Variants in PTPN2 observed in about 807,000 individuals in gnomAD.
PTPN2 encodes the protein protein tyrosine phosphatase non-receptor type 2.
A neutral mutation model predicts 57.3 loss-of-function variants in PTPN2; 19 were observed. The ratio of observed to expected loss-of-function variants is 0.33; its 90% CI spans 0.23 to 0.49. The LOEUF is 0.49. Among genes scored for constraint, PTPN2 ranks in the 20% least tolerant of loss-of-function variants. PTPN2 has a pLI of 0.99. For synonymous variants in PTPN2, 153 were observed against 164.9 expected (o/e 0.93, Z 0.55); for missense variants, 358 against 501.1 (o/e 0.71, Z 2.73).
chr18:12,878,676 A>C (rs1015047961), intron 1 of PTPN2, among the ~76,000 whole-genome samples: 1 of 152,162 alleles, frequency 6.6e-6, no homozygotes, highest in Admixed American at 6.5e-5. Context: ...GGTTTCAAAA[A>C]AAGAAAAATG....
At chr18:12,819,164 G>A in intron 5 of PTPN2, 1 of 828,704 alleles carries the variant, frequency 1.2e-6, no homozygotes, top group Non-Finnish European at 1.8e-6. Flanking sequence ...AGTATATAAG[G>A]TATAATACTA....
At chr18:12,880,684 C>G (rs2044639220) in intron 1 of PTPN2, 1 of 152,276 alleles carries the variant, frequency 6.6e-6, no homozygotes, top group African/African-American at 2.4e-5. Context: ...CCTCACCAGT[C>G]TTTTTTGCAA....
chr18:12,803,456 G>GA lies in PTPN2; in HGVS notation c.859-1306dup, dbSNP rs1342204210. 2.2e-4 allele frequency among the ~76,000 whole-genome samples: 33 copies of GA among 152,004 alleles called. 1 individual carries two copies. The highest frequency in any genetic ancestry group is 2.2e-3 in the Admixed American group (33 of 15,260). ...GAAAAGATACAGTGGCTGAATGGATGAAAAAACAAAAAACAAAATCCAACT... is the reference window on the plus strand; with the variant it reads ...GAAAAGATACAGTGGCTGAATGGATGAAAAAAACAAAAAACAAAATCCAACT... On this transcript the variant is annotated intron_variant, in intron 7 of 8. Coordinates refer to ENST00000309660, the MANE Select transcript of PTPN2 (RefSeq NM_002828.4).
intron 3 of PTPN2, among the ~76,000 whole-genome samples, chr18:12,835,204 T>G (rs1245078989): frequency 1.3e-5 from 2 of 151,688 alleles, no homozygotes; most frequent in Non-Finnish European, 2.9e-5. Context: ...CAAATGCACA[T>G]AAAAAAAACT....
chr18:12,821,584 C>G (rs1021115595), intron 5 of PTPN2, among the ~76,000 whole-genome samples: 8 of 152,172 alleles, frequency 5.3e-5, no homozygotes, highest in African/African-American at 1.9e-4. Context: ...AAAGGCAGAT[C>G]AAACTCACCA....
intron 1 of PTPN2, among the ~76,000 whole-genome samples, chr18:12,881,675 C>T (rs2044671069): frequency 6.6e-6 from 1 of 152,188 alleles, no homozygotes; most frequent in Non-Finnish European, 1.5e-5. Context: ...TCCTCTTCCC[C>T]TGGCCAATGT....
At chr18:12,813,526 T>C (rs1489187142) in intron 7 of PTPN2, among the ~76,000 whole-genome samples, 1 of 152,146 alleles carries the variant, frequency 6.6e-6, no homozygotes, top group Admixed American at 6.5e-5. Context: ...ATCAGAGAAA[T>C]GAAAGTGCTA....
chr18:12,858,205 C>A (rs189396458), intron 2 of PTPN2, among the ~76,000 whole-genome samples: 3 of 152,248 alleles, frequency 2.0e-5, no homozygotes, highest in Admixed American at 6.5e-5. Context: ...GGCGAACAAT[C>A]AGTAACAAGC....
rs565709837 is a variant in PTPN2, at chr18:12,801,547, T to C, written c.1040+423A>G. ...AAAAGGGCCTATATTATTTCATATA[T>C]CATATCCACATAATTATTTATTTAT... On this transcript the variant is annotated intron_variant, in intron 8 of 8. Transcript: ENST00000309660. Among the ~76,000 whole-genome samples, 217 of 152,220 alleles carry C rather than the reference T, an allele frequency of 1.4e-3. No homozygotes were observed. In the Middle Eastern group the frequency reaches 0.024, roughly 17 times the overall value.
chr18:12,859,976 A>C (rs1025125971), intron 1 of PTPN2, among the ~76,000 whole-genome samples: 1 of 151,952 alleles, frequency 6.6e-6, no homozygotes, highest in Non-Finnish European at 1.5e-5. Context: ...AACATTGTGA[A>C]AACCCAGCTC....
At chr18:12,855,744 C>T (rs1261456251) in intron 2 of PTPN2, among the ~76,000 whole-genome samples, 1 of 152,040 alleles carries the variant, frequency 6.6e-6, no homozygotes, top group Non-Finnish European at 1.5e-5. Context: ...CTCATTTGCC[C>T]AAAGTGCAGA....
rs193113767 is a variant in PTPN2, at chr18:12,817,756, C to G, written c.496-391G>C. Among the ~76,000 whole-genome samples the G allele has an allele frequency of 2.2e-4, 34 of 152,306 alleles. 1 individual carries two copies. Among genetic ancestry groups the G allele is most frequent in the African/African-American group, 8.2e-4 (34 of 41,576 alleles). ...CAGGATTTGAAGCAACCTGGGGCAG[C>G]CTTTGGGTTCTCAGCTACTAATCTG... is the stretch of plus-strand genomic sequence containing the variant. On this transcript the variant is annotated intron_variant, in intron 5 of 8. Transcript: ENST00000309660.
At chr18:12,807,280 A>C (rs2041689289) in intron 7 of PTPN2, among the ~76,000 whole-genome samples, 1 of 152,088 alleles carries the variant, frequency 6.6e-6, no homozygotes, top group Non-Finnish European at 1.5e-5. Flanking sequence ...AAGACAAAAA[A>C]TAAATGCTGG....
chr18:12,801,957 A>G lies in PTPN2; in HGVS notation c.1040+13T>C. 1 of 1,570,160 alleles carries G rather than the reference A, an allele frequency of 6.4e-7. No individual in the cohort carries two copies. Among genetic ancestry groups the G allele is most frequent in the Non-Finnish European group, 8.6e-7 (1 of 1,162,252 alleles). ...AAGCCTCATCTTTCAGCCTGTAGTTATAGAAAGCTTACCTCTCACTGTTCT... is the reference window on the plus strand; with the variant it reads ...AAGCCTCATCTTTCAGCCTGTAGTTGTAGAAAGCTTACCTCTCACTGTTCT... On this transcript the variant is annotated intron_variant, in intron 8 of 8. Coordinates refer to ENST00000309660, the MANE Select transcript of PTPN2 (RefSeq NM_002828.4).
intron 2 of PTPN2, among the ~76,000 whole-genome samples, chr18:12,843,076 G>A (rs1177335656): frequency 1.3e-5 from 2 of 152,188 alleles, no homozygotes; most frequent in Admixed American, 1.3e-4. Flanking sequence ...ACATGGGTGA[G>A]GGGAGTTTGA....
chr18:12,883,372 C>A (rs2044731077), intron 1 of PTPN2, among the ~76,000 whole-genome samples: 1 of 152,246 alleles, frequency 6.6e-6, no homozygotes, highest in Admixed American at 6.5e-5. Flanking sequence ...CGCTGCTGGG[C>A]CACGGGGGAA....
At chr18:12,867,103 G>T (rs1400376578) in intron 1 of PTPN2, among the ~76,000 whole-genome samples, 2 of 149,260 alleles carry the variant, frequency 1.3e-5, no homozygotes, top group Non-Finnish European at 3.0e-5. Flanking sequence ...GACCAGCCTG[G>T]GCAACATGGT....
At chr18:12,856,691 T>C (rs2043601036) in intron 2 of PTPN2, among the ~76,000 whole-genome samples, 1 of 152,196 alleles carries the variant, frequency 6.6e-6, no homozygotes, top group African/African-American at 2.4e-5. Context: ...ATAAGTTTTA[T>C]TGATGTATAT....
chr18:12,802,022 A>G lies in PTPN2; in HGVS notation c.988T>C (p.Cys330Arg), dbSNP rs750518471. ...LEEEKLTGDR[C>R]TGLSSKMQDT... ...TGCATTTTAGAGGAAAGTCCTGTAC[A>G]TCGGTCACCTGTCAGTTTTTCTTCT... The change falls in exon 8 of 9, where the codon TGT becomes CGT. Residue 330 changes from cysteine (C) to arginine (R), a missense_variant. Cys to Arg is a radical substitution (Grantham distance 180, BLOSUM62 -3). Around this residue, in one of 4 missense-constraint regions of PTPN2, gnomAD observed 96 missense variants for 110.8 expected, o/e 0.87. Coordinates refer to ENST00000309660, the MANE Select transcript of PTPN2 (RefSeq NM_002828.4). The G allele has an allele frequency of 1.2e-6, 2 of 1,612,322 alleles. No homozygotes were observed. The highest frequency in any genetic ancestry group is 1.7e-6 in the Non-Finnish European group (2 of 1,179,564).
Sources: gnomAD v4.1 joint callset for allele counts (sites outside exome capture counted in the v4.1 genomes callset) on GRCh38, gnomAD v4.1.1 for gene constraint, gnomAD v4.1.1 regional missense constraint, MANE v1.5 for transcripts, NCBI Gene and HGNC (gene_info 2026-07-23, HGNC 2026-07-21) for gene names.